ASS1: variants seen among roughly 807,000 people sequenced by gnomAD.
ASS1 encodes the protein argininosuccinate synthase 1.
Under a neutral mutation model 60.5 loss-of-function variants are expected in ASS1, and 58 were observed. The observed-to-expected ratio is 0.96, with a 90% CI of 0.78 to 1.19. ASS1 has a LOEUF of 1.19. ASS1 is among the 50% of genes most tolerant of loss of function. The pLI is 0.00. For synonymous variants in ASS1, 200 were observed against 206.9 expected (o/e 0.97, Z 0.29); for missense variants, 454 against 547.3 (o/e 0.83, Z 1.70).
At chr9:130,463,943 C>T (rs1845664581) in intron 4 of ASS1, among the ~76,000 whole-genome samples, 168 bp from the exon 5 acceptor site, 1 of 152,138 alleles carries the variant, frequency 6.6e-6, no homozygotes, top group African/African-American at 2.4e-5. Context: ...GCACATCTCC[C>T]TCCTGCCACA....
Position 130,478,283 on chromosome 9 carries a change from T to C in ASS1, c.688+1322T>C, listed in dbSNP as rs1381648194. Among the ~76,000 whole-genome samples the C allele has an allele frequency of 2.0e-5, 3 of 152,142 alleles. No individual in the cohort carries two copies. Among genetic ancestry groups the C allele is most frequent in the Non-Finnish European group, 4.4e-5 (3 of 68,014 alleles). On this transcript the variant is annotated intron_variant, in intron 9 of 14. Transcript: ENST00000352480. This position sits in a 1 kb window ranked among gnomAD's most constrained non-coding sequence, Gnocchi z 4.7. ...GGCACAGAGCCTCCCTTTAGGATCA[T>C]CTCTGAGAAGATGGTGGGAGTGGCC...
At chr9:130,486,369 G>A (rs560435908) in intron 11 of ASS1, among the ~76,000 whole-genome samples, 6 of 152,232 alleles carry the variant, frequency 3.9e-5, no homozygotes, top group African/African-American at 1.4e-4. Context: ...GGGATTACAG[G>A]TGTGAGCCCC....
rs1049069974 is a variant in ASS1, at chr9:130,491,280, T to TGA, written c.970+1822_970+1823dup. 6.6e-6 allele frequency among the ~76,000 whole-genome samples: 1 copy of TGA among 151,862 alleles called. No homozygotes were observed. Among genetic ancestry groups the TGA allele is most frequent in the African/African-American group, 2.4e-5 (1 of 41,316 alleles). On this transcript the variant is annotated intron_variant, in intron 12 of 14. Transcript: ENST00000352480. This position sits in a 1 kb window ranked among gnomAD's most constrained non-coding sequence, Gnocchi z 5.3. ...CGAAAGGAGGATTTTAGTTACAAAG[T>TGA]GAGAGAGTCATTAAGACGTGGCGGA...
chr9:130,465,748 T>G (rs1845724234), intron 5 of ASS1, among the ~76,000 whole-genome samples: 2 of 152,268 alleles, frequency 1.3e-5, no homozygotes, highest in Non-Finnish European at 2.9e-5. Context: ...ATGCGTGGCC[T>G]GGAGGTGAGC....
chr9:130,480,021 C>T (rs2118840391), intron 10 of ASS1: 1 of 712,986 alleles, frequency 1.4e-6, no homozygotes. Flanking sequence ...CAGGAGGTCT[C>T]CTGCCTCCAA....
At chr9:130,460,119 C>T (rs1352936707) in intron 4 of ASS1, among the ~76,000 whole-genome samples, 1 of 152,236 alleles carries the variant, frequency 6.6e-6, no homozygotes, top group African/African-American at 2.4e-5. Context: ...CTCACTACCT[C>T]GCCTGCCCGG....
Position 130,478,948 on chromosome 9 carries a change from G to T in ASS1, c.689-768G>T, listed in dbSNP as rs937292450. 6.6e-6 allele frequency among the ~76,000 whole-genome samples: 1 copy of T among 152,146 alleles called. No individual in the cohort carries two copies. Among genetic ancestry groups the T allele is most frequent in the Admixed American group, 6.5e-5 (1 of 15,282 alleles). ...ATGGCTCGCTCCATGGTAATGAGCC[G>T]GGCAGATGGGTGGGGGATTAGCCGC... On this transcript the variant is annotated intron_variant, in intron 9 of 14. Coordinates refer to ENST00000352480, the MANE Select transcript of ASS1 (RefSeq NM_054012.4). This position sits in a 1 kb window ranked among gnomAD's most constrained non-coding sequence, Gnocchi z 4.7.
rs1846030874 is a variant in ASS1, at chr9:130,476,818, G to C, written c.598-53G>C. On this transcript the variant is annotated intron_variant, in intron 8 of 14. Transcript: ENST00000352480. This position sits in a 1 kb window ranked among gnomAD's most constrained non-coding sequence, Gnocchi z 4.9. ...AGATCCCCGCGGGAGGTGGGCTGTA[G>C]GGTGTCCAGGGACTGGTATGTCATC... The C allele has an allele frequency of 6.6e-7, 1 of 1,518,324 alleles. No individual in the cohort carries two copies. Among genetic ancestry groups the C allele is most frequent in the Admixed American group, 1.7e-5 (1 of 59,902 alleles). The allele number at this position is 1,518,324 out of a possible 1,614,324, so 94.1% of individuals were successfully genotyped here. A position where few individuals can be genotyped will look rare whatever the true frequency, so the allele number is the denominator to read the frequency against.
intron 13 of ASS1, among the ~76,000 whole-genome samples, chr9:130,495,349 G>A (rs770000348): frequency 2.6e-5 from 4 of 151,892 alleles, no homozygotes; most frequent in Non-Finnish European, 5.9e-5. Flanking sequence ...TCAGGAGGCC[G>A]AGGTGGGAAG....
In ASS1 at chr9:130,500,961, G is replaced by T; in HGVS notation, c.1194-15G>T. 1.2e-6 allele frequency: 2 copies of T among 1,613,082 alleles called. No individual in the cohort carries two copies. The highest frequency in any genetic ancestry group is 2.2e-5 in the South Asian group (2 of 91,028). ...GTTAATTTACATTTTTCTTTGTTTT[G>T]AATCTGGTTTACAGGCTGAAGGAAT... On this transcript the variant is annotated splice_polypyrimidine_tract_variant and intron_variant, in intron 14 of 14. Transcript: ENST00000352480.
chr9:130,460,459 T>C (rs1845562125), intron 4 of ASS1, among the ~76,000 whole-genome samples: 1 of 151,874 alleles, frequency 6.6e-6, no homozygotes. Context: ...AGAAAATGGA[T>C]GTGTGATGAG....
At chr9:130,464,327 C>T (rs971827729) in intron 5 of ASS1, among the ~76,000 whole-genome samples, 160 bp downstream of exon 5, 10 of 152,196 alleles carry the variant, frequency 6.6e-5, no homozygotes, top group South Asian at 2.1e-4. Context: ...AGGCTCCCTT[C>T]GCTGGGGCCA....
rs1354203860 is a variant in ASS1 at position 130,476,792 on chromosome 9, C to T, written c.598-79C>T. ...GGGAAATGGACAGAGGAGAGGGGTG[C>T]AGATCCCCGCGGGAGGTGGGCTGTA... On this transcript the variant is annotated intron_variant, in intron 8 of 14. Transcript: ENST00000352480. This position sits in a 1 kb window ranked among gnomAD's most constrained non-coding sequence, Gnocchi z 4.9. The T allele has an allele frequency of 6.0e-6, 8 of 1,327,934 alleles. No individual in the cohort carries two copies. The highest frequency in any genetic ancestry group is 7.6e-6 in the Non-Finnish European group (7 of 921,176). 82.3% of individuals were successfully genotyped at this position (1,327,934 alleles called of 1,614,324 possible). A position where few individuals can be genotyped will look rare whatever the true frequency, so the allele number is the denominator to read the frequency against.
At chr9:130,448,286 A>G (rs1048287898) in intron 1 of ASS1, among the ~76,000 whole-genome samples, 1 of 151,876 alleles carries the variant, frequency 6.6e-6, no homozygotes, top group African/African-American at 2.4e-5. Context: ...GCATGCATAC[A>G]CTGGCCCCAA....
chr9:130,479,976 G>A (rs1045908179), intron 10 of ASS1, 176 bp downstream of exon 10: 3 of 807,734 alleles, frequency 3.7e-6, no homozygotes, highest in Non-Finnish European at 6.5e-6. Flanking sequence ...GGCAGGAGAG[G>A]CTCCGTGGTC....
At chr9:130,471,903 G>A (rs1845875680) in intron 8 of ASS1, among the ~76,000 whole-genome samples, 1 of 152,200 alleles carries the variant, frequency 6.6e-6, no homozygotes, top group South Asian at 2.1e-4. Context: ...TTGGTTGTGG[G>A]GGGTGGGGGG....
At position 130,478,167 on chromosome 9, in the gene ASS1, G is replaced by A. The variant is rs925004647; in HGVS notation, c.688+1206G>A. Among the ~76,000 whole-genome samples the A allele has an allele frequency of 6.6e-5, 10 of 152,258 alleles. No individual in the cohort carries two copies. The highest frequency in any genetic ancestry group is 4.1e-4 in the South Asian group (2 of 4,834). On this transcript the variant is annotated intron_variant, in intron 9 of 14. Coordinates refer to ENST00000352480, the MANE Select transcript of ASS1 (RefSeq NM_054012.4). This position sits in a 1 kb window ranked among gnomAD's most constrained non-coding sequence, Gnocchi z 4.7. ...TTCCCAAGAGCTTGGCCAAGCCAGCGACTGTCTTCCTTGCTCCCCTTCATC... is the reference window on the plus strand; with the variant it reads ...TTCCCAAGAGCTTGGCCAAGCCAGCAACTGTCTTCCTTGCTCCCCTTCATC...
intron 7 of ASS1, 95 bp from the exon 8 acceptor site, chr9:130,471,390 C>T: frequency 6.7e-7 from 1 of 1,496,112 alleles, no homozygotes; most frequent in South Asian, 1.1e-5. Context: ...AAAAGGCAGA[C>T]CAGGCTCATG....
chr9:130,499,243 C>G (rs1041150066), intron 13 of ASS1, among the ~76,000 whole-genome samples: 3 of 152,206 alleles, frequency 2.0e-5, no homozygotes, highest in Middle Eastern at 6.3e-3. Flanking sequence ...CTCCTAGCCT[C>G]CTGCCACATT....
Sources: allele counts gnomAD v4.1 joint callset (sites outside exome capture counted in the v4.1 genomes callset), GRCh38; gene constraint gnomAD v4.1.1; non-coding constraint Gnocchi (gnomAD v3.1); transcripts MANE v1.5; gene names NCBI Gene and HGNC (gene_info 2026-07-23, HGNC 2026-07-21).